Variants in ADGRE5 observed in about 807,000 individuals in gnomAD.
The protein encoded by ADGRE5 is CD97 molecule.
In ADGRE5, 72 loss-of-function variants were observed where a neutral mutation model predicts 100.3. That is an observed-to-expected ratio of 0.72 (90% CI 0.59 to 0.87). ADGRE5 has a LOEUF of 0.87. Among genes scored for constraint, ADGRE5 ranks in the 40% least tolerant of loss-of-function variants. The pLI is 0.00. For synonymous variants in ADGRE5, 439 were observed against 447.8 expected, an observed-to-expected ratio of 0.98 and a Z score of 0.25; for missense variants, 959 against 1,094.7, an observed-to-expected ratio of 0.88 and a Z score of 1.75.
chr19:14,392,530 G>A (rs1235234919), intron 4 of ADGRE5, among the ~76,000 whole-genome samples: 3 of 152,104 alleles, frequency 2.0e-5, no homozygotes, highest in Non-Finnish European at 4.4e-5. Flanking sequence ...ATAGACCTTG[G>A]ACAGGTTACT....
Position 14,381,445 on chromosome 19 carries a change from C to A in ADGRE5, c.-79C>A. ...AGTCCTGGCCTCGGGACAGCCTGCACAGCTGCCTAGCCTGTGGAGACGGGA... is the reference window on the plus strand; with the variant it reads ...AGTCCTGGCCTCGGGACAGCCTGCAAAGCTGCCTAGCCTGTGGAGACGGGA... On this transcript the variant is annotated 5_prime_UTR_variant, in exon 1 of 20. Transcript: ENST00000242786. 6.3e-7 allele frequency: 1 copy of A among 1,598,072 alleles called. No individual in the cohort carries two copies. Among genetic ancestry groups the A allele is most frequent in the Non-Finnish European group, 8.5e-7 (1 of 1,173,656 alleles).
chr19:14,408,536 C>A lies in ADGRE5; in HGVS notation c.*415C>A, dbSNP rs1467535760. On this transcript the variant is annotated 3_prime_UTR_variant, in exon 20 of 20. Coordinates refer to ENST00000242786, the MANE Select transcript of ADGRE5 (RefSeq NM_078481.4). ...GCTCAGCTTCCCTCTTAAGCTAAGA[C>A]TGATGTCAGAGGCCCCATGGCGAGG... 9.1e-6 allele frequency: 4 copies of A among 439,504 alleles called. No individual in the cohort carries two copies. In the East Asian group the frequency reaches 1.5e-4, roughly 17 times the overall value. The allele number at this position is 439,504 out of a possible 1,614,324, so 27.2% of individuals were successfully genotyped here.
chr19:14,395,331 T>C (rs554229669), intron 4 of ADGRE5, among the ~76,000 whole-genome samples: 60 of 147,294 alleles, frequency 4.1e-4, no homozygotes, highest in African/African-American at 1.3e-3. Flanking sequence ...AAAAACGCAC[T>C]CAGAGGGTTG....
chr19:14,393,168 T>C (rs1599619222), intron 4 of ADGRE5, among the ~76,000 whole-genome samples: 1 of 147,934 alleles, frequency 6.8e-6, no homozygotes, highest in African/African-American at 2.5e-5. Context: ...GCCACTACAC[T>C]CCAGCCTGGG....
In ADGRE5 at chr19:14,396,284, C is replaced by T. The variant is rs914694104; in HGVS notation, c.347-58C>T. On this transcript the variant is annotated intron_variant, in intron 4 of 19. Coordinates refer to ENST00000242786, the MANE Select transcript of ADGRE5 (RefSeq NM_078481.4). ...CGTGCCAGGAAACATGGCGGACCCT[C>T]AGCCCTGAAAGCTGCTCACAGCTAC... 5 of 1,613,632 alleles carry T rather than the reference C, an allele frequency of 3.1e-6. No homozygotes were observed. The African/African-American group carries it at 6.7e-5, about 22-fold the overall frequency.
rs1348942817 is a variant in ADGRE5, at chr19:14,406,765, TG to T, written c.2115+1del. 4 of 1,613,972 alleles carry T rather than the reference TG, an allele frequency of 2.5e-6. No individual in the cohort carries two copies. The highest frequency in any genetic ancestry group is 1.3e-5 in the African/African-American group (1 of 74,906). On this transcript the variant is annotated frameshift_variant and splice_region_variant, in exon 16 of 20. Coordinates refer to ENST00000242786, the MANE Select transcript of ADGRE5 (RefSeq NM_078481.4). LOFTEE classifies it high-confidence loss of function. The surrounding 1 kb of genome is among the most constrained non-coding windows in gnomAD (Gnocchi z 6.0). ...TTGGGACCTGTGACCTTCATCATTT[TG>T]GTAAGTACCCACTCTCCCTCCACCG... ...SFLGPVTFII[L>X]CNAVIFVTTV... is the part of the protein sequence containing the mutation.
rs200463471 is a variant in ADGRE5 at position 14,398,090 on chromosome 19, A to G, written c.848A>G (p.Gln283Arg). 3 of 1,614,126 alleles carry G rather than the reference A, an allele frequency of 1.9e-6. No individual in the cohort carries two copies. Among genetic ancestry groups the G allele is most frequent in the Admixed American group, 1.7e-5 (1 of 59,978 alleles). ...CTTTCCCGATTCTTCGACAAAGTCC[A>G]GGACCTGGGCAGAGACTCCAAGACA... is the stretch of plus-strand genomic sequence containing the variant. The part of the protein sequence containing the change: ...QTLSRFFDKV[Q>R]DLGRDSKTSS... The change falls in exon 9 of 20, where the codon CAG becomes CGG. Residue 283 changes from glutamine to arginine, a missense_variant. By Grantham distance (43) the Gln-to-Arg change is conservative. This residue lies in a region of ADGRE5 where 69 missense variants were observed against 135.0 expected (regional missense o/e 0.51). Transcript: ENST00000242786.
At chr19:14,381,888 C>T (rs546992943) in intron 1 of ADGRE5, among the ~76,000 whole-genome samples, 2 of 149,822 alleles carry the variant, frequency 1.3e-5, no homozygotes, top group African/African-American at 2.5e-5. Context: ...CCCTGAGAGC[C>T]GCTGTGCTTA....
intron 4 of ADGRE5, among the ~76,000 whole-genome samples, chr19:14,395,416 T>C (rs955109217): frequency 6.6e-5 from 10 of 151,904 alleles, no homozygotes; most frequent in African/African-American, 2.4e-4. Context: ...CCAGGCCCGA[T>C]CCTCTCCTGT....
At chr19:14,405,682 G>C (rs1372159005) in intron 13 of ADGRE5, 66 bp from the exon 14 acceptor site, 5 of 1,220,802 alleles carry the variant, frequency 4.1e-6, no homozygotes, top group Non-Finnish European at 4.7e-6. Flanking sequence ...GGGGAAAAGG[G>C]ACCACAAAGA....
intron 13 of ADGRE5, chr19:14,405,132 A>T (rs1599633581): frequency 6.6e-6 from 1 of 151,816 alleles, no homozygotes; most frequent in African/African-American, 2.5e-5. Context: ...GGTGTCAGCC[A>T]CCGCACCCGG....
chr19:14,402,748 C>G lies in ADGRE5; in HGVS notation c.1335C>G (p.Val445=). 1.2e-6 allele frequency: 2 copies of G among 1,614,136 alleles called. No homozygotes were observed. Among genetic ancestry groups the G allele is most frequent in the Non-Finnish European group, 1.7e-6 (2 of 1,180,026 alleles). The stretch of plus-strand genomic sequence containing the variant: ...TCCAACTCAGACGCCTCTCTGCCGT[C>G]AACTCCATCTTTCTGAGCCACAACA... ...RGVQLRRLSA[V]NSIFLSHNNT... Residue 445 remains valine (V), a synonymous_variant, in exon 12 of 20, where the codon GTC becomes GTG. Transcript: ENST00000242786.
chr19:14,387,693 A>T (rs1975408516), intron 1 of ADGRE5, among the ~76,000 whole-genome samples: 1 of 151,772 alleles, frequency 6.6e-6, no homozygotes, highest in Non-Finnish European at 1.5e-5. Context: ...ATGCCACTGC[A>T]CTCCAGCCTG....
intron 9 of ADGRE5, 165 bp downstream of exon 9, chr19:14,398,304 C>T: frequency 1.5e-6 from 1 of 645,166 alleles, no homozygotes; most frequent in Non-Finnish European, 2.8e-6. Flanking sequence ...ACATACACAC[C>T]CGGACACGTG....
Position 14,408,263 on chromosome 19 carries a change from A to T in ADGRE5, c.*142A>T. The T allele has an allele frequency of 1.0e-6, 1 of 963,918 alleles. No individual in the cohort carries two copies. The highest frequency in any genetic ancestry group is 2.0e-5 in the Admixed American group (1 of 49,308). 59.7% of individuals were successfully genotyped at this position (963,918 alleles called of 1,614,324 possible). A position where few individuals can be genotyped will look rare whatever the true frequency, so the allele number is the denominator to read the frequency against. On this transcript the variant is annotated 3_prime_UTR_variant, in exon 20 of 20. Coordinates refer to ENST00000242786, the MANE Select transcript of ADGRE5 (RefSeq NM_078481.4). ...CCGTGTGCCACCAGGAGGGAGTGGC[A>T]GCTATAGTCTGGCACCAAAGTCCAG...
intron 4 of ADGRE5, among the ~76,000 whole-genome samples, chr19:14,393,029 G>A (rs940459808): frequency 2.0e-5 from 3 of 151,962 alleles, no homozygotes; most frequent in Non-Finnish European, 2.9e-5. Context: ...GTGAAACCCC[G>A]TCTCTACTAA....
rs1975153518 is a variant in ADGRE5, at chr19:14,381,519, C to CTGG, written c.-5_-4insTGG. 14 of 1,609,860 alleles carry CTGG rather than the reference C, an allele frequency of 8.7e-6. No individual in the cohort carries two copies. In the African/African-American group the frequency reaches 1.2e-4, roughly 14 times the overall value. ...CCCCTGCCGCTCCTGCCGGCAGCTC[C>CTGG]AACCATGGGAGGCCGCGTCTTTCTC... On this transcript the variant is annotated 5_prime_UTR_variant, in exon 1 of 20. Transcript: ENST00000242786.
chr19:14,401,904 G>A lies in ADGRE5; in HGVS notation c.1183+144G>A, dbSNP rs530286532. 3.8e-6 allele frequency: 2 copies of A among 523,276 alleles called. No individual in the cohort carries two copies. The highest frequency in any genetic ancestry group is 5.0e-4 in the Middle Eastern group (1 of 2,012). 32.4% of individuals were successfully genotyped at this position (523,276 alleles called of 1,614,324 possible). ...CCAGCATTTTGGGAGGCCCAGGTGG[G>A]TAGATCGCTTGAGCTCAGAAGTTCA... is the stretch of plus-strand genomic sequence containing the variant. On this transcript the variant is annotated intron_variant, in intron 11 of 19. Coordinates refer to ENST00000242786, the MANE Select transcript of ADGRE5 (RefSeq NM_078481.4). The surrounding 1 kb of genome is among the most constrained non-coding windows in gnomAD (Gnocchi z 4.1).
chr19:14,396,277 G>T (rs112824469), intron 4 of ADGRE5, 65 bp from the exon 5 acceptor site: 1 of 1,613,146 alleles, frequency 6.2e-7, no homozygotes, highest in Non-Finnish European at 8.5e-7. Flanking sequence ...GAAACATGGC[G>T]GACCCTCAGC....
Sources: gnomAD v4.1 joint callset for allele counts (sites outside exome capture counted in the v4.1 genomes callset) on GRCh38, gnomAD v4.1.1 for gene constraint, gnomAD v4.1.1 regional missense constraint, Gnocchi (gnomAD v3.1) non-coding constraint, MANE v1.5 for transcripts, NCBI Gene and HGNC (gene_info 2026-07-23, HGNC 2026-07-21) for gene names.